Variants in DLG2 observed in about 807,000 individuals in gnomAD.
DLG2 encodes the protein disks large homolog 2.
In DLG2, 45 loss-of-function variants were observed where a neutral mutation model predicts 132.5. The observed-to-expected ratio is 0.34, with a 90% confidence interval of 0.27 to 0.44. DLG2 has a LOEUF of 0.44. DLG2 is among the 20% of genes least tolerant of loss of function. The pLI is 1.00. For synonymous variants in DLG2, 424 were observed against 419.6 expected, an observed-to-expected ratio of 1.01 and a Z score of -0.13; for missense variants, 1,045 against 1,196.9, an observed-to-expected ratio of 0.87 and a Z score of 1.87.
chr11:84,909,297 G>A (rs1047649307), intron 6 of DLG2, among the ~76,000 whole-genome samples: 2 of 152,128 alleles, frequency 1.3e-5, no homozygotes, highest in African/African-American at 2.4e-5. Context: ...GAGGGGTAAT[G>A]TTTCCACTCT....
chr11:85,260,643 C>A (rs2076891445), intron 4 of DLG2, among the ~76,000 whole-genome samples: 1 of 152,134 alleles, frequency 6.6e-6, no homozygotes. Flanking sequence ...AAATAAAATA[C>A]AATTTTTGCC....
At chr11:84,650,649 C>G (rs2099680377) in intron 6 of DLG2, among the ~76,000 whole-genome samples, 1 of 151,936 alleles carries the variant, frequency 6.6e-6, no homozygotes, top group African/African-American at 2.4e-5. Flanking sequence ...AGTCAGAGAG[C>G]TATGCTCCTT....
chr11:84,338,002 A>C (rs1177514917), intron 7 of DLG2, among the ~76,000 whole-genome samples: 1 of 152,222 alleles, frequency 6.6e-6, no homozygotes, highest in African/African-American at 2.4e-5. Flanking sequence ...TTATTAAGAC[A>C]CTTGGAAATA....
chr11:85,414,221 G>T (rs1490196841), intron 3 of DLG2, among the ~76,000 whole-genome samples: 1 of 151,978 alleles, frequency 6.6e-6, no homozygotes, highest in African/African-American at 2.4e-5. Flanking sequence ...GTGTATAAAA[G>T]AGCTACTGAT....
intron 3 of DLG2, among the ~76,000 whole-genome samples, chr11:85,451,978 T>G (rs56276722): frequency 6.6e-6 from 1 of 152,174 alleles, no homozygotes; most frequent in Non-Finnish European, 1.5e-5. Context: ...TTCTTTTTTT[T>G]ATTTCAGTAT....
At chr11:85,034,862 A>G (rs980525952) in intron 6 of DLG2, among the ~76,000 whole-genome samples, 2 of 151,784 alleles carry the variant, frequency 1.3e-5, no homozygotes, top group African/African-American at 4.8e-5. Flanking sequence ...TTATCCATTC[A>G]TTTTCCTGAG....
intron 16 of DLG2, among the ~76,000 whole-genome samples, chr11:83,867,566 A>C (rs1335093254): frequency 6.6e-6 from 1 of 152,180 alleles, no homozygotes; most frequent in Non-Finnish European, 1.5e-5. Context: ...GATAACGTCT[A>C]TACAAGTATT....
intron 10 of DLG2, among the ~76,000 whole-genome samples, chr11:84,067,741 T>A (rs776909288): frequency 6.6e-6 from 1 of 152,224 alleles, no homozygotes; most frequent in African/African-American, 2.4e-5. Context: ...TTCTCCCTTG[T>A]TGAAACTTCT....
intron 5 of DLG2, among the ~76,000 whole-genome samples, chr11:85,122,949 T>TTATATATATATTATATATATATA (rs1555376285): frequency 4.2e-5 from 2 of 48,166 alleles, no homozygotes; most frequent in African/African-American, 2.0e-4. Context: ...TGTATATATA[T>TTATATATATATTATATATATATA]TATATATATA....
intron 3 of DLG2, among the ~76,000 whole-genome samples, chr11:85,531,234 T>C (rs1248195009): frequency 3.3e-5 from 5 of 152,204 alleles, no homozygotes; most frequent in African/African-American, 1.2e-4. Context: ...GTTATTCCCT[T>C]ATCCTACATT....
intron 7 of DLG2, among the ~76,000 whole-genome samples, chr11:84,465,730 C>T (rs1253815513): frequency 1.3e-5 from 2 of 151,136 alleles, no homozygotes; most frequent in African/African-American, 2.4e-5. Context: ...GTTTAAGCTA[C>T]CCCAAACCAC....
chr11:84,790,744 T>C (rs1214169663), intron 6 of DLG2, among the ~76,000 whole-genome samples: 3 of 152,208 alleles, frequency 2.0e-5, no homozygotes. Flanking sequence ...CTCTAATCCA[T>C]TTTGATTTGA....
chr11:84,952,173 G>T (rs929979692), intron 6 of DLG2, among the ~76,000 whole-genome samples: 9 of 152,178 alleles, frequency 5.9e-5, no homozygotes, highest in Non-Finnish European at 1.2e-4. Flanking sequence ...ATATACAAAA[G>T]AAATCTAAGA....
chr11:85,525,804 G>A (rs1017083940), intron 3 of DLG2, among the ~76,000 whole-genome samples: 1 of 152,188 alleles, frequency 6.6e-6, no homozygotes, highest in South Asian at 2.1e-4. Flanking sequence ...TCTCTGAGAA[G>A]ATGAAGCTGG....
At position 84,149,621 on chromosome 11, in the gene DLG2, T is replaced by C. The variant is rs374668265; in HGVS notation, c.624+13840A>G. Among the ~76,000 whole-genome samples the C allele has an allele frequency of 2.6e-5, 4 of 152,356 alleles. No homozygotes were observed. The South Asian group carries it at 6.2e-4, about 24-fold the overall frequency. On this transcript the variant is annotated intron_variant, in intron 9 of 27. Transcript: ENST00000376104. ...ACCATGCTATTTGGTTTCTGTAGCC[T>C]TGTAATGTAGTTGAAATCAGGTAAT...
At chr11:84,974,761 A>G (rs572207886) in intron 6 of DLG2, among the ~76,000 whole-genome samples, 1 of 152,344 alleles carries the variant, frequency 6.6e-6, no homozygotes, top group South Asian at 2.1e-4. Context: ...AGTGAATCAG[A>G]AACTATGGGG....
chr11:84,628,225 A>G (rs1452800437), intron 6 of DLG2, among the ~76,000 whole-genome samples: 1 of 152,050 alleles, frequency 6.6e-6, no homozygotes, highest in Non-Finnish European at 1.5e-5. Context: ...ACAGATTAGG[A>G]GCCCAATATT....
chr11:85,450,703 A>C (rs571328873), intron 3 of DLG2, among the ~76,000 whole-genome samples: 196 of 152,312 alleles, frequency 1.3e-3, no homozygotes, highest in Non-Finnish European at 2.3e-3. Flanking sequence ...TCATCATTAC[A>C]TTGAAACTAT....
At chr11:84,903,315 C>T (rs892870425) in intron 6 of DLG2, among the ~76,000 whole-genome samples, 4 of 152,172 alleles carry the variant, frequency 2.6e-5, no homozygotes, top group African/African-American at 9.7e-5. Flanking sequence ...TCTTTCACCA[C>T]TTTCATGCCT....
Sources: allele counts gnomAD v4.1 joint callset (sites outside exome capture counted in the v4.1 genomes callset), GRCh38; gene constraint gnomAD v4.1.1; transcripts MANE v1.5; gene names NCBI Gene and HGNC (gene_info 2026-07-23, HGNC 2026-07-21).